The following RNGTT variants were observed in gnomAD, a reference collection of about 807,000 sequenced individuals.
RNGTT encodes mRNA-capping enzyme.
RNGTT carries 33 observed loss-of-function variants against 79.3 expected under a neutral mutation model. The observed-to-expected ratio is 0.42, with a 90% CI of 0.32 to 0.56. The LOEUF is 0.56. Among genes scored for constraint, RNGTT ranks in the 20% least tolerant of loss-of-function variants. RNGTT has a pLI of 0.17. For missense variants in RNGTT, 497 were observed against 739.1 expected, an observed-to-expected ratio of 0.67 and a Z score of 3.80; for synonymous variants, 222 against 235.9, an observed-to-expected ratio of 0.94 and a Z score of 0.54.
intron 12 of RNGTT, among the ~76,000 whole-genome samples, chr6:88,772,615 C>G (rs1176588722): frequency 8.3e-6 from 1 of 119,894 alleles, no homozygotes; most frequent in African/African-American, 3.9e-5. Context: ...TGAACTCAAA[C>G]AAATTTACAA....
intron 14 of RNGTT, among the ~76,000 whole-genome samples, chr6:88,663,271 G>C (rs1562179114): frequency 6.6e-6 from 1 of 152,146 alleles, no homozygotes; most frequent in Non-Finnish European, 1.5e-5. Context: ...CTATGGAATT[G>C]CTATGACACC....
At chr6:88,654,284 T>C (rs1453229768) in intron 14 of RNGTT, among the ~76,000 whole-genome samples, 4 of 152,218 alleles carry the variant, frequency 2.6e-5, no homozygotes, top group Non-Finnish European at 5.9e-5. Flanking sequence ...CACTGAAAAT[T>C]TTCCTCATCA....
chr6:88,663,519 G>C (rs1774267915), intron 14 of RNGTT, among the ~76,000 whole-genome samples: 2 of 152,186 alleles, frequency 1.3e-5, no homozygotes, highest in South Asian at 4.1e-4. Context: ...AGATAGCCAA[G>C]GAAAAGTCTT....
At chr6:88,616,328 C>T (rs999437331) in intron 14 of RNGTT, among the ~76,000 whole-genome samples, 1 of 152,116 alleles carries the variant, frequency 6.6e-6, no homozygotes, top group African/African-American at 2.4e-5. Context: ...GTGAAAATAT[C>T]TCTTTGAGAT....
At chr6:88,638,267 G>A (rs914305116) in intron 14 of RNGTT, among the ~76,000 whole-genome samples, 3 of 152,072 alleles carry the variant, frequency 2.0e-5, no homozygotes, top group African/African-American at 7.2e-5. Flanking sequence ...TTTCTCACAG[G>A]AAATCTCTTG....
chr6:88,616,387 T>C (rs1047024579), intron 14 of RNGTT, among the ~76,000 whole-genome samples: 1 of 152,192 alleles, frequency 6.6e-6, no homozygotes, highest in Non-Finnish European at 1.5e-5. Flanking sequence ...TATCACTGGA[T>C]CATAATTTTA....
intron 13 of RNGTT, among the ~76,000 whole-genome samples, chr6:88,754,631 C>T (rs573250056): frequency 6.6e-6 from 1 of 152,292 alleles, no homozygotes; most frequent in South Asian, 2.1e-4. Context: ...AAAATGTCTG[C>T]AGCACTGTGA....
chr6:88,950,918 G>A (rs1435391255), intron 1 of RNGTT, among the ~76,000 whole-genome samples: 1 of 151,584 alleles, frequency 6.6e-6, no homozygotes, highest in Non-Finnish European at 1.5e-5. Flanking sequence ...AAATACAGTG[G>A]CGCGACCTTG....
intron 13 of RNGTT, among the ~76,000 whole-genome samples, chr6:88,734,075 C>T (rs1199665420): frequency 6.9e-6 from 1 of 145,910 alleles, no homozygotes; most frequent in African/African-American, 2.8e-5. Flanking sequence ...TATTCTTAGT[C>T]AGAAGTAAAT....
intron 12 of RNGTT, among the ~76,000 whole-genome samples, chr6:88,781,508 A>C (rs1779063334): frequency 6.6e-6 from 1 of 152,196 alleles, no homozygotes; most frequent in Non-Finnish European, 1.5e-5. Flanking sequence ...AGAGACAGTA[A>C]AACAATGGAA....
intron 8 of RNGTT, among the ~76,000 whole-genome samples, chr6:88,855,105 C>A (rs1012783876): frequency 6.6e-6 from 1 of 151,936 alleles, no homozygotes; most frequent in Non-Finnish European, 1.5e-5. Context: ...CTGGAGGTAC[C>A]AACGAAAATG....
In RNGTT at chr6:88,740,201, C is replaced by T. The variant is rs559965787; in HGVS notation, c.1439+29573G>A. ...AGTTTACACCTGCTCAGAAAGGGAA[C>T]AGCAGAATTAAAAGCGATCAAAAAA... On this transcript the variant is annotated intron_variant, in intron 13 of 15. Coordinates refer to ENST00000369485, the MANE Select transcript of RNGTT (RefSeq NM_003800.5). Among the ~76,000 whole-genome samples, 313 of 151,882 alleles carry T rather than the reference C, an allele frequency of 2.1e-3. 1 individual carries two copies. The highest frequency in any genetic ancestry group is 7.0e-3 in the African/African-American group (287 of 41,292).
At chr6:88,922,826 C>T (rs770310697) in intron 4 of RNGTT, among the ~76,000 whole-genome samples, 1 of 152,180 alleles carries the variant, frequency 6.6e-6, no homozygotes, top group Non-Finnish European at 1.5e-5. Flanking sequence ...AAACCAGGAT[C>T]CAACAATACC....
At chr6:88,815,671 T>A (rs1408782598) in intron 11 of RNGTT, among the ~76,000 whole-genome samples, 1 of 152,212 alleles carries the variant, frequency 6.6e-6, no homozygotes, top group Non-Finnish European at 1.5e-5. Context: ...CTGTGAGGCA[T>A]TATTGCCAAG....
intron 13 of RNGTT, among the ~76,000 whole-genome samples, chr6:88,734,968 A>C (rs1363230015): frequency 6.6e-6 from 1 of 152,156 alleles, no homozygotes; most frequent in Non-Finnish European, 1.5e-5. Flanking sequence ...TTGACTTAAC[A>C]GTATTTTCAA....
intron 14 of RNGTT, among the ~76,000 whole-genome samples, chr6:88,675,608 C>T (rs764042886): frequency 2.6e-5 from 4 of 151,678 alleles, no homozygotes; most frequent in Non-Finnish European, 4.4e-5. Flanking sequence ...TAGTAGAGAA[C>T]AATCATTTAT....
chr6:88,874,142 C>T (rs1321869636), intron 8 of RNGTT, among the ~76,000 whole-genome samples: 1 of 152,042 alleles, frequency 6.6e-6, no homozygotes, highest in African/African-American at 2.4e-5. Context: ...ATGATATACT[C>T]ATTTGCATTA....
At chr6:88,738,839 TACACACACAC>T (rs200498670) in intron 13 of RNGTT, among the ~76,000 whole-genome samples, 3 of 142,526 alleles carry the variant, frequency 2.1e-5, no homozygotes, top group Admixed American at 7.0e-5. Flanking sequence ...ATAAATAAAA[TACACACACAC>T]ACACACACAC....
At chr6:88,906,693 A>G (rs1562313675) in intron 4 of RNGTT, among the ~76,000 whole-genome samples, 1 of 152,228 alleles carries the variant, frequency 6.6e-6, no homozygotes, top group South Asian at 2.1e-4. Context: ...CTACTGTTTA[A>G]CAAGTTCTCC....
Sources: gnomAD v4.1 joint callset for allele counts (sites outside exome capture counted in the v4.1 genomes callset) on GRCh38, gnomAD v4.1.1 for gene constraint, MANE v1.5 for transcripts, NCBI Gene and HGNC (gene_info 2026-07-23, HGNC 2026-07-21) for gene names.